Variants in LSS observed in about 807,000 individuals in gnomAD.
The protein encoded by LSS is 2,3-epoxysqualene-lanosterol cyclase.
Under a neutral mutation model 110.3 loss-of-function variants are expected in LSS, and 90 were observed. That is an observed-to-expected ratio of 0.82 (90% CI 0.69 to 0.97). The LOEUF is 0.97. Ranked by LOEUF, LSS falls within the 50% of genes least tolerant of loss-of-function variation. The pLI, the probability that LSS is intolerant of heterozygous loss-of-function variation, is 0.00. For synonymous variants in LSS, 433 were observed against 400.0 expected (o/e 1.08, Z -0.98); for missense variants, 927 against 990.0 (o/e 0.94, Z 0.85).
At chr21:46,212,153 C>G (rs117773065) in intron 11 of LSS, among the ~76,000 whole-genome samples, 6,863 of 152,304 alleles carry the variant, frequency 0.045, 219 homozygotes, top group Non-Finnish European at 0.068. Flanking sequence ...AAAACCTTTT[C>G]ACAAAACACG....
chr21:46,190,477 G>C lies in LSS; in HGVS notation c.*627C>G, dbSNP rs1464190997. The C allele has an allele frequency of 6.7e-6, 1 of 149,188 alleles. No homozygotes were observed. Among genetic ancestry groups the C allele is most frequent in the South Asian group, 2.0e-4 (1 of 4,942 alleles). 9.2% of individuals were successfully genotyped at this position (149,188 alleles called of 1,614,324 possible). A position where few individuals can be genotyped will look rare whatever the true frequency, so the allele number is the denominator to read the frequency against. On this transcript the variant is annotated 3_prime_UTR_variant, in exon 22 of 22. Coordinates refer to ENST00000397728, the MANE Select transcript of LSS (RefSeq NM_002340.6). The surrounding 1 kb of genome is among the most constrained non-coding windows in gnomAD (Gnocchi z 4.6). ...CCACCCCATACTCAGGCGAGCTCAC[G>C]ACCCAGGGGCATGAGGCTCCATGAC...
At chr21:46,196,432 C>CA (rs2079911222) in intron 17 of LSS, 165 bp from the exon 18 acceptor site, 1 of 616,934 alleles carries the variant, frequency 1.6e-6, no homozygotes, top group Non-Finnish European at 2.9e-6. Context: ...AAGAAGCAAC[C>CA]ACAGGACACC....
intron 17 of LSS, among the ~76,000 whole-genome samples, chr21:46,200,215 C>T (rs2079962124): frequency 6.6e-6 from 1 of 151,936 alleles, no homozygotes; most frequent in Admixed American, 6.6e-5. Context: ...TAAACAGAGG[C>T]AAAGGAAAAG....
At position 46,219,578 on chromosome 21, in the gene LSS, C is replaced by T. The variant is rs2277826; in HGVS notation, c.551-6G>A. The T allele has an allele frequency of 1.3e-5, 20 of 1,571,466 alleles. No individual in the cohort carries two copies. The highest frequency in any genetic ancestry group is 1.6e-5 in the Non-Finnish European group (18 of 1,157,468). On this transcript the variant is annotated splice_polypyrimidine_tract_variant and splice_region_variant and intron_variant, in intron 5 of 21. Transcript: ENST00000397728. ...GGGGATGGCCACAGCACCACCTGAG[C>T]GGGGAGAGAATAGGCCCACGTCATC...
At chr21:46,226,886 A>T (rs965408630) in intron 3 of LSS, among the ~76,000 whole-genome samples, 1 of 152,244 alleles carries the variant, frequency 6.6e-6, no homozygotes, top group African/African-American at 2.4e-5. Flanking sequence ...AAAGAAAATG[A>T]TGTATCAGTA....
chr21:46,206,386 C>T (rs1030060017), intron 16 of LSS, among the ~76,000 whole-genome samples: 3 of 152,212 alleles, frequency 2.0e-5, no homozygotes, highest in Non-Finnish European at 4.4e-5. Context: ...AACACAAGCC[C>T]TGTGGACTGA....
At position 46,213,825 on chromosome 21, in the gene LSS, G is replaced by C; in HGVS notation, c.1022C>G (p.Thr341Ser). ...KSISIGPISK[T>S]INMLVRWYVD... is the part of the protein sequence containing the mutation. Reference sequence around the variant, plus strand: ...ATACCAGCGCACAAGCATGTTGATGGTTTTCGAGATCTGCAGGAGAGACAG... The same window carrying C: ...ATACCAGCGCACAAGCATGTTGATGCTTTTCGAGATCTGCAGGAGAGACAG... The change falls in exon 10 of 22, where the codon ACC becomes AGC. Residue 341 changes from threonine (T) to serine (S), a missense_variant. Coordinates refer to ENST00000397728, the MANE Select transcript of LSS (RefSeq NM_002340.6). 2 of 1,613,686 alleles carry C rather than the reference G, an allele frequency of 1.2e-6. No homozygotes were observed. The highest frequency in any genetic ancestry group is 1.7e-6 in the Non-Finnish European group (2 of 1,179,742).
intron 21 of LSS, among the ~76,000 whole-genome samples, chr21:46,191,660 C>T (rs941109859): frequency 1.3e-5 from 2 of 152,222 alleles, no homozygotes; most frequent in Non-Finnish European, 2.9e-5. Flanking sequence ...CCAGCTCCTC[C>T]CCCACCCAGA....
intron 3 of LSS, chr21:46,224,882 T>TG (rs2080318358): frequency 7.4e-5 from 5 of 67,990 alleles, no homozygotes; most frequent in South Asian, 6.0e-4. Context: ...AGGCTGGGGG[T>TG]GGGGGGTGGG....
rs1448459699 is a variant in LSS, at chr21:46,205,919, G to C, written c.1587C>G (p.Thr529=). The C allele has an allele frequency of 1.2e-6, 2 of 1,609,690 alleles. No individual in the cohort carries two copies. Among genetic ancestry groups the C allele is most frequent in the Non-Finnish European group, 1.7e-6 (2 of 1,177,958 alleles). The change falls in exon 17 of 22, where the codon ACC becomes ACG. Residue 529 remains threonine, a synonymous_variant. Transcript: ENST00000397728. ...EVFGDIMIDY[T]YVECTSAVMQ... is the part of the protein sequence containing the mutation. ...TCACGGCTGAGGTGCACTCCACATA[G>C]GTGTAGTCAATCATGATGTCCCCTG...
At chr21:46,192,653 C>T (rs1054769024) in intron 20 of LSS, 2 of 450,512 alleles carry the variant, frequency 4.4e-6, no homozygotes, top group Admixed American at 2.4e-5. Flanking sequence ...GCACAGGTGC[C>T]TGTGCATGTG....
At chr21:46,225,674 T>C (rs1221465820) in intron 3 of LSS, among the ~76,000 whole-genome samples, 1 of 152,140 alleles carries the variant, frequency 6.6e-6, no homozygotes, top group Non-Finnish European at 1.5e-5. Context: ...GTACTAAAAG[T>C]CTCTGATATG....
intron 5 of LSS, 113 bp downstream of exon 5, chr21:46,221,740 TG>T: frequency 6.8e-7 from 1 of 1,467,184 alleles, no homozygotes; most frequent in Non-Finnish European, 9.4e-7. Flanking sequence ...TCCCTGCTCA[TG>T]TGCTTTTGCC....
rs35148484 is a variant in LSS at position 46,198,829 on chromosome 21, CAAA to C, written c.1671-2565_1671-2563del. On this transcript the variant is annotated intron_variant, in intron 17 of 21. Transcript: ENST00000397728. ...ACCAAAACAACTGGACATCCACATG[CAAA>C]AAAAAAAAAAAAAAAAAAAATCTAG... 6.0e-3 allele frequency among the ~76,000 whole-genome samples: 440 copies of C among 73,438 alleles called. 5 individuals carry two copies. The highest frequency in any genetic ancestry group is 0.025 in the African/African-American group (403 of 16,198). 48.2% of individuals were successfully genotyped at this position (73,438 alleles called of 152,430 possible). A position where few individuals can be genotyped will look rare whatever the true frequency, so the allele number is the denominator to read the frequency against.
intron 6 of LSS, among the ~76,000 whole-genome samples, chr21:46,218,916 G>A (rs2080240274): frequency 6.6e-6 from 1 of 151,926 alleles, no homozygotes; most frequent in Admixed American, 6.6e-5. Context: ...TAGTAGAGAC[G>A]GGATTTCACT....
intron 7 of LSS, 72 bp from the exon 8 acceptor site, chr21:46,215,865 G>T: frequency 9.9e-7 from 1 of 1,012,204 alleles, no homozygotes; most frequent in Non-Finnish European, 1.5e-6. Context: ...AGGAGGGGTG[G>T]CCTCCCACCA....
chr21:46,203,747 C>T (rs2080010069), intron 17 of LSS, among the ~76,000 whole-genome samples: 1 of 152,286 alleles, frequency 6.6e-6, no homozygotes, highest in Admixed American at 6.5e-5. Flanking sequence ...GCTCCATCCA[C>T]GGCTTCCAAA....
At chr21:46,191,334 G>A (rs1200404656) in intron 21 of LSS, 99 bp from the exon 22 acceptor site, 1 of 1,389,194 alleles carries the variant, frequency 7.2e-7, no homozygotes, top group Non-Finnish European at 1.0e-6. Context: ...TGGCTTGTGG[G>A]TGAGTCAGCC....
At chr21:46,199,842 T>A (rs1156331368) in intron 17 of LSS, among the ~76,000 whole-genome samples, 2 of 152,182 alleles carry the variant, frequency 1.3e-5, no homozygotes, top group Admixed American at 1.3e-4. Flanking sequence ...GGCAGTGAGA[T>A]CCTGTGTGAC....
Sources: allele counts gnomAD v4.1 joint callset (sites outside exome capture counted in the v4.1 genomes callset), GRCh38; gene constraint gnomAD v4.1.1; non-coding constraint Gnocchi (gnomAD v3.1); transcripts MANE v1.5; gene names NCBI Gene and HGNC (gene_info 2026-07-23, HGNC 2026-07-21).